RHCG: variants seen among roughly 807,000 people sequenced by gnomAD.
RHCG encodes the protein ammonium transporter Rh type C.
Under a neutral mutation model 55.3 loss-of-function variants are expected in RHCG, and 39 were observed. The observed-to-expected ratio is 0.70, with a 90% CI of 0.55 to 0.92. The LOEUF is 0.92. RHCG is among the 40% of genes least tolerant of loss of function. RHCG has a pLI of 0.00. For synonymous variants in RHCG, 250 were observed against 246.8 expected (o/e 1.01, Z -0.12); for missense variants, 635 against 627.9 (o/e 1.01, Z -0.12).
In RHCG at chr15:89,490,450, G is replaced by C. The variant is rs114111372; in HGVS notation, c.185-3465C>G. Among the ~76,000 whole-genome samples, 350 of 152,334 alleles carry C rather than the reference G, an allele frequency of 2.3e-3. 1 individual carries two copies. The highest frequency in any genetic ancestry group is 8.1e-3 in the African/African-American group (336 of 41,572). ...ACATGAACAAATACACCTCAGCTTA[G>C]GTTTCTCAATGTGCGCAAATGATTT... On this transcript the variant is annotated intron_variant, in intron 1 of 10. Coordinates refer to ENST00000268122, the MANE Select transcript of RHCG (RefSeq NM_016321.3).
At chr15:89,486,599 A>AGAGAGAGT in intron 2 of RHCG, 200 bp downstream of exon 2, 60 of 264,480 alleles carry the variant, frequency 2.3e-4, no homozygotes, top group African/African-American at 7.3e-4. Context: ...AGAGAGAGAG[A>AGAGAGAGT]GTGTGTGTGT....
chr15:89,477,026 A>C lies in RHCG; in HGVS notation c.1237+56T>G. ...TGTGCCGCATGCCCTTTGCTTCTCC[A>C]CCCAGGGAGCCCCACAGCAGCACCC... On this transcript the variant is annotated intron_variant, in intron 8 of 10. Coordinates refer to ENST00000268122, the MANE Select transcript of RHCG (RefSeq NM_016321.3). This position sits in a 1 kb window ranked among gnomAD's most constrained non-coding sequence, Gnocchi z 4.5. The C allele has an allele frequency of 6.2e-7, 1 of 1,610,272 alleles. No homozygotes were observed. The highest frequency in any genetic ancestry group is 1.1e-5 in the South Asian group (1 of 90,706).
chr15:89,479,648 C>CAGGGAGGG, intron 4 of RHCG, 160 bp from the exon 5 acceptor site: 3 of 656,636 alleles, frequency 4.6e-6, no homozygotes, highest in Non-Finnish European at 7.6e-6. Context: ...TCCTGGAAGG[C>CAGGGAGGG]CCTCCCTGCC....
chr15:89,472,948 G>C, intron 9 of RHCG, 85 bp from the exon 10 acceptor site: 8 of 1,362,940 alleles, frequency 5.9e-6, no homozygotes, highest in Non-Finnish European at 7.7e-6. Flanking sequence ...AGCTGCAAAT[G>C]GTGTGTGGCG....
chr15:89,486,308 A>G (rs778939827), intron 2 of RHCG: 10 of 456,642 alleles, frequency 2.2e-5, no homozygotes, highest in South Asian at 1.5e-4. Flanking sequence ...TGTTTCCTTC[A>G]CAAGGAGCCT....
At chr15:89,475,201 C>T (rs1442708878) in intron 9 of RHCG, among the ~76,000 whole-genome samples, 2 of 99,008 alleles carry the variant, frequency 2.0e-5, no homozygotes, top group African/African-American at 6.5e-5. Flanking sequence ...TTCCTTCCTT[C>T]TTTCCTTCCT....
chr15:89,474,930 CT>C lies in RHCG; in HGVS notation c.1311+1824del, dbSNP rs564656505. ...CCTGCCTTCCTTCCTGCCTGCCTGC[CT>C]TCCTGCCTTCCTGCCTTCATTCATT... On this transcript the variant is annotated intron_variant, in intron 9 of 10. Transcript: ENST00000268122. Among the ~76,000 whole-genome samples, 6 of 136,692 alleles carry C rather than the reference CT, an allele frequency of 4.4e-5. No individual in the cohort carries two copies. In the South Asian group the frequency reaches 1.1e-3, roughly 25 times the overall value. The allele number at this position is 136,692 out of a possible 152,430, so 89.7% of individuals were successfully genotyped here. A position where few individuals can be genotyped will look rare whatever the true frequency, so the allele number is the denominator to read the frequency against.
intron 2 of RHCG, among the ~76,000 whole-genome samples, chr15:89,484,928 A>T (rs1961332347): frequency 6.6e-6 from 1 of 152,182 alleles, no homozygotes; most frequent in Non-Finnish European, 1.5e-5. Flanking sequence ...TTCTACAGTG[A>T]CAGGTGGGAC....
At chr15:89,476,715 C>T (rs750755261) in intron 9 of RHCG, 40 bp downstream of exon 9, 3 of 1,552,846 alleles carry the variant, frequency 1.9e-6, no homozygotes, top group Non-Finnish European at 2.7e-6. Context: ...GGAGGGAACG[C>T]AGCTGCCCTC....
At chr15:89,478,091 G>T in intron 5 of RHCG, 117 bp from the exon 6 acceptor site, 1 of 1,352,886 alleles carries the variant, frequency 7.4e-7, no homozygotes, top group Non-Finnish European at 9.9e-7. Context: ...AGCCGGGGAT[G>T]GCTGGGAGTT....
intron 3 of RHCG, among the ~76,000 whole-genome samples, chr15:89,481,675 C>G (rs182693007): frequency 2.0e-5 from 3 of 152,176 alleles, no homozygotes; most frequent in Admixed American, 1.3e-4. Context: ...GAAAAGTTGG[C>G]GCCAGAACAG....
intron 4 of RHCG, 98 bp from the exon 5 acceptor site, chr15:89,479,586 A>G (rs1961227364): frequency 9.1e-7 from 1 of 1,101,388 alleles, no homozygotes; most frequent in Non-Finnish European, 1.3e-6. Context: ...TCTAGAGATG[A>G]CCCCACACCC....
intron 3 of RHCG, among the ~76,000 whole-genome samples, chr15:89,480,790 C>T (rs1347425608): frequency 6.6e-6 from 1 of 152,220 alleles, no homozygotes; most frequent in African/African-American, 2.4e-5. Flanking sequence ...GCATTTACAC[C>T]ACCTGCTAGT....
intron 2 of RHCG, among the ~76,000 whole-genome samples, chr15:89,485,475 G>A (rs559422931): frequency 3.9e-5 from 6 of 152,296 alleles, no homozygotes; most frequent in Non-Finnish European, 7.3e-5. Context: ...TATTTGACAT[G>A]TGTCCTAGAT....
At chr15:89,481,053 G>T (rs1301214907) in intron 3 of RHCG, among the ~76,000 whole-genome samples, 1 of 152,238 alleles carries the variant, frequency 6.6e-6, no homozygotes, top group Non-Finnish European at 1.5e-5. Flanking sequence ...GTTGTTGACA[G>T]GGCTGGGATT....
chr15:89,477,102 A>G lies in RHCG; in HGVS notation c.1217T>C (p.Leu406Pro). 1 of 1,614,082 alleles carries G rather than the reference A, an allele frequency of 6.2e-7. No individual in the cohort carries two copies. Among genetic ancestry groups the G allele is most frequent in the Non-Finnish European group, 8.5e-7 (1 of 1,179,988 alleles). ...YGLLVTLAMALMGGIIVGLIL... is the reference protein window; with the variant it reads ...YGLLVTLAMAPMGGIIVGLIL... ...CTCACCCACAATGATGCCACCCATC[A>G]GGGCCATGGCCAGGGTCACCAAGAG... Residue 406 changes from leucine (L) to proline (P), a missense_variant, in exon 8 of 11, where the codon CTG (leucine) becomes CCG (proline). Coordinates refer to ENST00000268122, the MANE Select transcript of RHCG (RefSeq NM_016321.3). The surrounding 1 kb of genome is among the most constrained non-coding windows in gnomAD (Gnocchi z 4.5).
chr15:89,487,168 AG>A (rs1455810483), intron 1 of RHCG, among the ~76,000 whole-genome samples, 183 bp from the exon 2 acceptor site: 1 of 152,158 alleles, frequency 6.6e-6, no homozygotes, highest in Admixed American at 6.5e-5. Flanking sequence ...GGGCTGGGCA[AG>A]GTAACGCTGC....
chr15:89,480,202 AC>A (rs1961238789), intron 4 of RHCG, 58 bp downstream of exon 4: 2 of 1,607,920 alleles, frequency 1.2e-6, no homozygotes, highest in African/African-American at 1.3e-5. Context: ...GGCTGCCTTC[AC>A]CCATCATGGC....
At chr15:89,491,442 AT>A (rs2141902358) in intron 1 of RHCG, among the ~76,000 whole-genome samples, 1 of 152,234 alleles carries the variant, frequency 6.6e-6, no homozygotes, top group East Asian at 1.9e-4. Flanking sequence ...CCATTTATTA[AT>A]TTCTGTTTCA....
Sources: gnomAD v4.1 joint callset for allele counts (sites outside exome capture counted in the v4.1 genomes callset) on GRCh38, gnomAD v4.1.1 for gene constraint, Gnocchi (gnomAD v3.1) non-coding constraint, MANE v1.5 for transcripts, NCBI Gene and HGNC (gene_info 2026-07-23, HGNC 2026-07-21) for gene names.